AGBL4: variants seen among roughly 807,000 people sequenced by gnomAD.
The protein encoded by AGBL4 is AGBL carboxypeptidase 4, also known as cytosolic carboxypeptidase 6.
Under a neutral mutation model 66.4 loss-of-function variants are expected in AGBL4, and 58 were observed. The observed-to-expected ratio is 0.87, with a 90% CI of 0.71 to 1.09. AGBL4 has a LOEUF of 1.09. Among genes scored for constraint, AGBL4 ranks in the 50% least tolerant of loss-of-function variants. AGBL4 has a pLI of 0.00. For missense variants in AGBL4, 579 were observed against 631.0 expected (o/e 0.92, Z 0.88); for synonymous variants, 234 against 222.9 (o/e 1.05, Z -0.44).
intron 10 of AGBL4, among the ~76,000 whole-genome samples, chr1:48,588,228 A>T (rs1644855280): frequency 6.6e-6 from 1 of 152,224 alleles, no homozygotes; most frequent in South Asian, 2.1e-4. Context: ...GGGATAGCTG[A>T]TTCATGTCCA....
chr1:49,912,450 T>C (rs1389764198), intron 1 of AGBL4, among the ~76,000 whole-genome samples: 1 of 152,242 alleles, frequency 6.6e-6, no homozygotes, highest in Non-Finnish European at 1.5e-5. Context: ...TTTTATAGTA[T>C]GTAACATTAC....
intron 6 of AGBL4, among the ~76,000 whole-genome samples, chr1:48,670,283 G>A (rs1258627059): frequency 6.6e-6 from 1 of 152,158 alleles, no homozygotes; most frequent in African/African-American, 2.4e-5. Context: ...TGAGATCACC[G>A]AGTTAAACAC....
chr1:48,590,526 G>A (rs1423945747), intron 10 of AGBL4, among the ~76,000 whole-genome samples: 4 of 151,856 alleles, frequency 2.6e-5, no homozygotes, highest in Admixed American at 6.6e-5. Context: ...ACTGCACCCC[G>A]GCCTGAGTGA....
At chr1:49,839,216 A>C (rs1006431504) in intron 2 of AGBL4, among the ~76,000 whole-genome samples, 1 of 152,230 alleles carries the variant, frequency 6.6e-6, no homozygotes, top group Non-Finnish European at 1.5e-5. Flanking sequence ...TTCAGTAAGG[A>C]GGTCAGTAAT....
At chr1:49,884,340 A>G (rs1647776242) in intron 1 of AGBL4, among the ~76,000 whole-genome samples, 8 of 151,936 alleles carry the variant, frequency 5.3e-5, no homozygotes. Flanking sequence ...AGAACATAGT[A>G]TTCACTCAGT....
intron 5 of AGBL4, among the ~76,000 whole-genome samples, chr1:48,897,145 C>T (rs528125352): frequency 2.4e-4 from 36 of 152,140 alleles, no homozygotes; most frequent in African/African-American, 8.7e-4. Flanking sequence ...CTACTCCATC[C>T]CCTCCTTTCT....
chr1:48,534,997 C>A, intron 12 of AGBL4, 81 bp from the exon 13 acceptor site: 1 of 1,303,210 alleles, frequency 7.7e-7, no homozygotes, highest in South Asian at 1.3e-5. Context: ...ATTCATCTGT[C>A]ATTGAAGGAT....
At chr1:49,581,494 AGAG>A (rs1054571170) in intron 3 of AGBL4, among the ~76,000 whole-genome samples, 5 of 151,952 alleles carry the variant, frequency 3.3e-5, no homozygotes, top group African/African-American at 1.2e-4. Context: ...TTTTGTTGGG[AGAG>A]GAGCTTTTCT....
intron 3 of AGBL4, among the ~76,000 whole-genome samples, chr1:49,676,362 T>C (rs545651147): frequency 1.3e-5 from 2 of 152,174 alleles, no homozygotes; most frequent in South Asian, 2.1e-4. Flanking sequence ...GGTAATTTCA[T>C]GAGGGAATAT....
At chr1:49,622,775 A>T (rs1399595324) in intron 3 of AGBL4, among the ~76,000 whole-genome samples, 1 of 152,154 alleles carries the variant, frequency 6.6e-6, no homozygotes, top group East Asian at 1.9e-4. Context: ...AATGCGAGCC[A>T]TCATCATCTT....
Position 48,602,628 on chromosome 1 carries a change from G to A in AGBL4, c.952-11643C>T, listed in dbSNP as rs6672623. 4.1e-3 allele frequency among the ~76,000 whole-genome samples: 619 copies of A among 152,242 alleles called. 2 individuals are homozygous for A. The highest frequency in any genetic ancestry group is 0.014 in the African/African-American group (569 of 41,546). On this transcript the variant is annotated intron_variant, in intron 9 of 13. Transcript: ENST00000371839. ...ATCACTACTTTTCAAAGAAGTGTTC[G>A]AGGGTGCCAACATTCATGCTGAAAT...
chr1:48,717,365 TTACA>T (rs1419889737), intron 6 of AGBL4, among the ~76,000 whole-genome samples: 2 of 152,220 alleles, frequency 1.3e-5, no homozygotes, highest in African/African-American at 4.8e-5. Flanking sequence ...ATTTAAAATT[TTACA>T]TACATAGTCA....
chr1:48,879,428 A>G (rs2148840115), intron 5 of AGBL4, among the ~76,000 whole-genome samples: 1 of 151,820 alleles, frequency 6.6e-6, no homozygotes, highest in Admixed American at 6.5e-5. Context: ...TGATTTCTCA[A>G]CAATGCAGCC....
chr1:49,062,015 C>T (rs1475766466), intron 4 of AGBL4, among the ~76,000 whole-genome samples: 3 of 152,122 alleles, frequency 2.0e-5, no homozygotes, highest in African/African-American at 2.4e-5. Context: ...GTCAGATCAG[C>T]GGTGGCATTA....
chr1:49,390,401 T>A (rs912301329), intron 3 of AGBL4, among the ~76,000 whole-genome samples: 3 of 152,194 alleles, frequency 2.0e-5, no homozygotes, highest in South Asian at 2.1e-4. Context: ...CAATATATCC[T>A]AAGAACAATG....
chr1:48,674,446 C>T (rs535624104), intron 6 of AGBL4, among the ~76,000 whole-genome samples: 2 of 151,660 alleles, frequency 1.3e-5, no homozygotes, highest in South Asian at 4.2e-4. Flanking sequence ...GGTGTTCCTT[C>T]TCCCTCACCC....
At position 49,243,034 on chromosome 1, in the gene AGBL4, TAC is replaced by T. The variant is rs760985132; in HGVS notation, c.377+2734_377+2735del. On this transcript the variant is annotated intron_variant, in intron 4 of 13. Coordinates refer to ENST00000371839, the MANE Select transcript of AGBL4 (RefSeq NM_032785.4). ...CCCAATTTTTATACATATATATATA[TAC>T]ACACACATACATATATATATATACA... is the stretch of plus-strand genomic sequence containing the variant. 2.5e-3 allele frequency among the ~76,000 whole-genome samples: 370 copies of T among 150,178 alleles called. 1 individual carries two copies. Among genetic ancestry groups the T allele is most frequent in the Non-Finnish European group, 3.0e-3 (204 of 67,562 alleles).
At chr1:49,247,516 T>C (rs916524130) in intron 3 of AGBL4, among the ~76,000 whole-genome samples, 2 of 152,262 alleles carry the variant, frequency 1.3e-5, no homozygotes, top group Middle Eastern at 3.4e-3. Flanking sequence ...TCTTGGCTAG[T>C]ATCTGATTTA....
chr1:49,534,008 G>A (rs968521683), intron 3 of AGBL4, among the ~76,000 whole-genome samples: 2 of 151,914 alleles, frequency 1.3e-5, no homozygotes, highest in African/African-American at 4.8e-5. Flanking sequence ...TTTCTAAAGA[G>A]GGGTCAAATT....
Sources: allele counts gnomAD v4.1 joint callset (sites outside exome capture counted in the v4.1 genomes callset), GRCh38; gene constraint gnomAD v4.1.1; transcripts MANE v1.5; gene names NCBI Gene and HGNC (gene_info 2026-07-23, HGNC 2026-07-21).